AMOT: variants seen among roughly 807,000 people sequenced by gnomAD.
AMOT encodes angiomotin.
A neutral mutation model predicts 67.0 loss-of-function variants in AMOT; 11 were observed. The observed-to-expected ratio is 0.16, with a 90% confidence interval of 0.10 to 0.27. AMOT has a LOEUF of 0.27. AMOT is among the 10% of genes least tolerant of loss of function. The pLI is 1.00. For missense variants in AMOT, 753 were observed against 852.0 expected (o/e 0.88, Z 1.45); for synonymous variants, 326 against 321.4 (o/e 1.01, Z -0.15).
At chrX:112,824,537 T>C (rs1338518734) in intron 3 of AMOT, among the ~76,000 whole-genome samples, 1 of 111,443 alleles carries the variant, frequency 9.0e-6, no homozygotes, top group Admixed American at 9.6e-5. Context: ...ATATAGTATA[T>C]GAAGAAAGTT....
chrX:112,782,523 C>A lies in AMOT; in HGVS notation c.2240+17G>T, dbSNP rs750760561. On this transcript the variant is annotated intron_variant, in intron 11 of 13. Transcript: ENST00000371959. ...ATCAATGTCTCAGATTCCTCAGGGT[C>A]CAGAACAACATTTTACCTGCCCTCC... 1.7e-6 allele frequency: 2 copies of A among 1,209,182 alleles called. No individual in the cohort carries two copies. Among genetic ancestry groups the A allele is most frequent in the African/African-American group, 3.5e-5 (2 of 56,979 alleles).
chrX:112,834,298 A>G (rs896814211), intron 1 of AMOT, among the ~76,000 whole-genome samples: 1 of 111,969 alleles, frequency 8.9e-6, no homozygotes, highest in African/African-American at 3.3e-5. Flanking sequence ...GCTCTTAAAA[A>G]ACACATACAT....
intron 7 of AMOT, among the ~76,000 whole-genome samples, chrX:112,808,698 C>A (rs1202754967): frequency 8.9e-6 from 1 of 111,887 alleles, no homozygotes; most frequent in African/African-American, 3.2e-5. Context: ...TCTAGCTGAT[C>A]CAGAACAAAG....
At chrX:112,812,028 CAG>C (rs1934382769) in intron 5 of AMOT, among the ~76,000 whole-genome samples, 1 of 112,139 alleles carries the variant, frequency 8.9e-6, no homozygotes, top group Admixed American at 9.5e-5. Context: ...TCACTGCCCT[CAG>C]GGAGGTTTCA....
intron 1 of AMOT, among the ~76,000 whole-genome samples, chrX:112,833,092 A>C (rs978680951): frequency 9.0e-6 from 1 of 111,630 alleles, no homozygotes; most frequent in African/African-American, 3.3e-5. Flanking sequence ...TATTTGCACA[A>C]ACTACTGCAG....
At chrX:112,778,685 G>T (rs753498402) in intron 13 of AMOT, 21 bp from the exon 14 acceptor site, 1 of 1,147,925 alleles carries the variant, frequency 8.7e-7, no homozygotes, top group Non-Finnish European at 1.2e-6. Flanking sequence ...ATAAGGGTTA[G>T]AAAACACTTA....
chrX:112,775,219 C>T lies in AMOT; in HGVS notation c.*3348G>A, dbSNP rs920946172. The T allele has an allele frequency of 8.9e-6, 1 of 112,630 alleles. No individual in the cohort carries two copies. Among genetic ancestry groups the T allele is most frequent in the African/African-American group, 3.2e-5 (1 of 30,944 alleles). 9.3% of individuals were successfully genotyped at this position (112,630 alleles called of 1,213,427 possible). A position where few individuals can be genotyped will look rare whatever the true frequency, so the allele number is the denominator to read the frequency against. On this transcript the variant is annotated 3_prime_UTR_variant, in exon 14 of 14. Transcript: ENST00000371959. ...GAAGACATATTTCCAAGAATCGTGG[C>T]AGGCTGAAATTGGTGGCAATTAGCC...
rs983683002 is a variant in AMOT at position 112,775,099 on chromosome X, AAGG to A, written c.*3465_*3467del. ...TGCCATTAATCACAAGGGAGGCCAGAAGGAGGTTTCATGGCTCCATGTAACCCA... is the reference window on the plus strand; with the variant it reads ...TGCCATTAATCACAAGGGAGGCCAGAAGGTTTCATGGCTCCATGTAACCCA... On this transcript the variant is annotated 3_prime_UTR_variant, in exon 14 of 14. Transcript: ENST00000371959. 1 of 111,839 alleles carries A rather than the reference AAGG, an allele frequency of 8.9e-6. No homozygotes were observed. Among genetic ancestry groups the A allele is most frequent in the Non-Finnish European group, 1.9e-5 (1 of 53,191 alleles). 9.2% of individuals were successfully genotyped at this position (111,839 alleles called of 1,213,427 possible).
At chrX:112,781,866 T>C (rs1933186692) in intron 11 of AMOT, among the ~76,000 whole-genome samples, 1 of 111,816 alleles carries the variant, frequency 8.9e-6, no homozygotes, top group Non-Finnish European at 1.9e-5. Context: ...TCAGGTATCC[T>C]ACCTCCACTT....
At chrX:112,787,881 C>T (rs1392828190) in intron 10 of AMOT, among the ~76,000 whole-genome samples, 2 of 112,050 alleles carry the variant, frequency 1.8e-5, no homozygotes, top group East Asian at 5.6e-4. Context: ...TTCCTTCTTG[C>T]TTTCACATCT....
chrX:112,782,947 CCTT>C (rs1204378274), intron 10 of AMOT, among the ~76,000 whole-genome samples: 2 of 111,410 alleles, frequency 1.8e-5, no homozygotes, highest in South Asian at 3.8e-4. Context: ...CATCCCAAAA[CCTT>C]CTGGCAGATA....
At chrX:112,838,469 A>C (rs1044077840) in intron 1 of AMOT, among the ~76,000 whole-genome samples, 4 of 111,831 alleles carry the variant, frequency 3.6e-5, no homozygotes, top group South Asian at 3.7e-4. Context: ...ATGGGACCTC[A>C]AGGTCATAGT....
In AMOT at chrX:112,790,628, A is replaced by G. The variant is rs1933537600; in HGVS notation, c.2081T>C (p.Phe694Ser). The change falls in exon 10 of 14, where the codon TTT (phenylalanine) becomes TCT (serine). Residue 694 changes from phenylalanine (F) to serine (S), a missense_variant. Coordinates refer to ENST00000371959, the MANE Select transcript of AMOT (RefSeq NM_001113490.2). ...CACAGTTGCAGCAGCATCCAGAGCA[A>G]AATGTCTCATCACATTCTCCTCCAA... ...KYLEENVMRHFALDAAATVAA... is the reference protein window; with the variant it reads ...KYLEENVMRHSALDAAATVAA... 1 of 1,207,666 alleles carries G rather than the reference A, an allele frequency of 8.3e-7. No homozygotes were observed. The highest frequency in any genetic ancestry group is 1.1e-6 in the Non-Finnish European group (1 of 894,114).
chrX:112,784,032 T>C (rs1186166862), intron 10 of AMOT, among the ~76,000 whole-genome samples: 1 of 111,888 alleles, frequency 8.9e-6, no homozygotes, highest in Non-Finnish European at 1.9e-5. Flanking sequence ...AAAATATACG[T>C]GTACCTTATA....
chrX:112,809,823 C>A (rs1261231270), intron 7 of AMOT, 71 bp downstream of exon 7: 1 of 901,997 alleles, frequency 1.1e-6, no homozygotes, highest in East Asian at 3.1e-5. Flanking sequence ...CTAAAGAGAA[C>A]AGTGTAATCT....
At position 112,778,314 on chromosome X, in the gene AMOT, C is replaced by T. The variant is rs150175550; in HGVS notation, c.*253G>A. ...GCCACCTGTTAACAGTCCCAGTATT[C>T]GTATAAATTCAAACAATAAGCTTTA... On this transcript the variant is annotated 3_prime_UTR_variant, in exon 14 of 14. Coordinates refer to ENST00000371959, the MANE Select transcript of AMOT (RefSeq NM_001113490.2). 556 of 251,318 alleles carry T rather than the reference C, an allele frequency of 2.2e-3. 2 individuals are homozygous for T. Among genetic ancestry groups the T allele is most frequent in the African/African-American group, 0.014 (497 of 36,087 alleles). The allele number at this position is 251,318 out of a possible 1,213,427, so 20.7% of individuals were successfully genotyped here.
At chrX:112,839,929 A>G (rs1271670200) in intron 1 of AMOT, among the ~76,000 whole-genome samples, 2 of 111,200 alleles carry the variant, frequency 1.8e-5, no homozygotes, top group Non-Finnish European at 3.8e-5. Flanking sequence ...CACTACCACC[A>G]CCACCACACA....
chrX:112,823,162 A>T lies in AMOT; in HGVS notation c.-36T>A, dbSNP rs984348824. 1 of 1,123,138 alleles carries T rather than the reference A, an allele frequency of 8.9e-7. No homozygotes were observed. The highest frequency in any genetic ancestry group is 1.2e-6 in the Non-Finnish European group (1 of 849,675). The allele number at this position is 1,123,138 out of a possible 1,213,427, so 92.6% of individuals were successfully genotyped here. ...GGTGGTGCCTTGTGAAGAGAGAGAG[A>T]AATTGGGCACCTGGGCTGCCCTTGA... On this transcript the variant is annotated 5_prime_UTR_variant, in exon 4 of 14. Transcript: ENST00000371959.
chrX:112,782,708 A>G, intron 10 of AMOT, 46 bp from the exon 11 acceptor site: 1 of 1,166,966 alleles, frequency 8.6e-7, no homozygotes, highest in Non-Finnish European at 1.1e-6. Context: ...TAGCAAGATC[A>G]ATGAATGTTA....
Sources: gnomAD v4.1 joint callset for allele counts (sites outside exome capture counted in the v4.1 genomes callset) on GRCh38, gnomAD v4.1.1 for gene constraint, MANE v1.5 for transcripts, NCBI Gene and HGNC (gene_info 2026-07-23, HGNC 2026-07-21) for gene names.